The following WDR19 variants were observed in gnomAD, a reference collection of about 807,000 sequenced individuals.
WDR19 encodes the protein WD repeat-containing protein 19.
WDR19 carries 121 observed loss-of-function variants against 180.0 expected under a neutral mutation model. That is an observed-to-expected ratio of 0.67 (90% CI 0.58 to 0.78). The LOEUF (loss-of-function observed/expected upper bound fraction) is 0.78, where lower values mean the gene tolerates loss of function less well. WDR19 is among the 30% of genes least tolerant of loss of function. The pLI, the probability that WDR19 is intolerant of heterozygous loss-of-function variation, is 0.00. For synonymous variants in WDR19, 497 were observed against 540.7 expected, an observed-to-expected ratio of 0.92 and a Z score of 1.12; for missense variants, 1,450 against 1,640.7, an observed-to-expected ratio of 0.88 and a Z score of 2.01.
chr4:39,281,271 C>A, intron 36 of WDR19, among the ~76,000 whole-genome samples: 1 of 121,502 alleles, frequency 8.2e-6, no homozygotes, highest in African/African-American at 3.5e-5. Context: ...AGAAAGCCTA[C>A]TAACAAGTCA....
chr4:39,198,544 G>A (rs930231682), intron 5 of WDR19, among the ~76,000 whole-genome samples: 3 of 150,564 alleles, frequency 2.0e-5, no homozygotes, highest in Admixed American at 6.6e-5. Context: ...CTGGGCGACA[G>A]AGCGAGACTC....
chr4:39,281,866 C>G (rs1008701162), intron 36 of WDR19, among the ~76,000 whole-genome samples: 1 of 151,950 alleles, frequency 6.6e-6, no homozygotes, highest in African/African-American at 2.4e-5. Flanking sequence ...TTTTCTTTGG[C>G]GGGGGGAGGA....
intron 19 of WDR19, among the ~76,000 whole-genome samples, chr4:39,233,317 G>A (rs548885638): frequency 3.4e-4 from 52 of 152,304 alleles, no homozygotes; most frequent in African/African-American, 1.2e-3. Context: ...GACTAGCAAT[G>A]AGGGGCATAG....
rs1229146601 is a variant in WDR19, at chr4:39,272,964, A to G, written c.3484-16A>G. The G allele has an allele frequency of 6.3e-7, 1 of 1,575,712 alleles. No individual in the cohort carries two copies. The highest frequency in any genetic ancestry group is 1.8e-5 in the Admixed American group (1 of 54,424). Reference sequence around the variant, plus strand: ...TCAATGACTATAAGAAGAGTAAAATATGTCATTTGTTTCAGATTCATGTTA... The same window carrying G: ...TCAATGACTATAAGAAGAGTAAAATGTGTCATTTGTTTCAGATTCATGTTA... On this transcript the variant is annotated splice_polypyrimidine_tract_variant and intron_variant, in intron 31 of 36. Transcript: ENST00000399820.
Position 39,255,877 on chromosome 4 carries a change from CA to C in WDR19, c.3034del (p.Ser1012AlafsTer33). ...TGAAGACACTACTAATGAAGACTATCAAAGCATTGCCTTATACTTTGAAGGA... is the reference window on the plus strand; with the variant it reads ...TGAAGACACTACTAATGAAGACTATCAAGCATTGCCTTATACTTTGAAGGA... Reference protein sequence around the residue: ...GSEDTTNEDYQSIALYFEGEK... With the variant: ...GSEDTTNEDYXSIALYFEGEK... On this transcript the variant is annotated frameshift_variant, in exon 27 of 37. Coordinates refer to ENST00000399820, the MANE Select transcript of WDR19 (RefSeq NM_025132.4). LOFTEE classifies it high-confidence loss of function. The C allele has an allele frequency of 6.2e-7, 1 of 1,605,470 alleles. No homozygotes were observed. Among genetic ancestry groups the C allele is most frequent in the Non-Finnish European group, 8.5e-7 (1 of 1,175,794 alleles).
Position 39,216,167 on chromosome 4 carries a change from A to G in WDR19, c.1206A>G (p.Val402=), listed in dbSNP as rs1394277094. 6.3e-7 allele frequency: 1 copy of G among 1,588,784 alleles called. No homozygotes were observed. The highest frequency in any genetic ancestry group is 1.2e-5 in the South Asian group (1 of 85,698). Residue 402 remains valine (V), a synonymous_variant, in exon 12 of 37, where the codon GTA becomes GTG. Coordinates refer to ENST00000399820, the MANE Select transcript of WDR19 (RefSeq NM_025132.4). ...CAGTAGGTCTTTATCATCTGGCTGT[A>G]GGAATGAATAATCGAGCTTGGTTTT... is the stretch of plus-strand genomic sequence containing the variant. ...FVAVGLYHLA[V]GMNNRAWFYV...
At chr4:39,279,759 T>G (rs1225871115) in intron 36 of WDR19, among the ~76,000 whole-genome samples, 3 of 146,000 alleles carry the variant, frequency 2.1e-5, no homozygotes, top group African/African-American at 5.1e-5. Flanking sequence ...TAGAGTACAG[T>G]GGCATGATCT....
chr4:39,252,861 TC>T (rs765734772), intron 24 of WDR19, among the ~76,000 whole-genome samples: 12 of 152,088 alleles, frequency 7.9e-5, no homozygotes, highest in Admixed American at 2.0e-4. Context: ...ATTATAATCT[TC>T]CTACTTAAAA....
chr4:39,188,843 C>T (rs911695431), intron 3 of WDR19, among the ~76,000 whole-genome samples: 3 of 151,998 alleles, frequency 2.0e-5, no homozygotes, highest in Non-Finnish European at 4.4e-5. Context: ...CTTTACCTCC[C>T]GGGCTCAAGT....
intron 5 of WDR19, 48 bp downstream of exon 5, chr4:39,194,707 C>T (rs1726535969): frequency 7.1e-7 from 1 of 1,407,066 alleles, no homozygotes; most frequent in African/African-American, 1.4e-5. Context: ...TGCTCTACCT[C>T]AATGTAAATT....
At chr4:39,284,331 A>ATTTTTTTTTTTTTTTTTTTTTTTT (rs143848496) in intron 36 of WDR19, among the ~76,000 whole-genome samples, 1 of 91,530 alleles carries the variant, frequency 1.1e-5, no homozygotes. Flanking sequence ...AGTAAAAAAA[A>ATTTTTTTTTTTTTTTTTTTTTTTT]TTTTTTTTTT....
intron 20 of WDR19, among the ~76,000 whole-genome samples, chr4:39,235,684 A>T (rs1227686761): frequency 6.6e-6 from 1 of 152,184 alleles, no homozygotes; most frequent in African/African-American, 2.4e-5. Flanking sequence ...GAAACAATCA[A>T]CAGAGCAAAC....
chr4:39,232,982 A>G (rs574703743), intron 19 of WDR19, among the ~76,000 whole-genome samples: 1 of 152,352 alleles, frequency 6.6e-6, no homozygotes, highest in Admixed American at 6.5e-5. Context: ...TGTAAATTAC[A>G]AAAACATATA....
rs1304268338 is a variant in WDR19, at chr4:39,285,294, T to C, written c.*14-193T>C. On this transcript the variant is annotated intron_variant, in intron 36 of 36. Coordinates refer to ENST00000399820, the MANE Select transcript of WDR19 (RefSeq NM_025132.4). ...GCTCAAGAGCTTACCCACACAATTTTAGTCAGTTGGCAAGGCTAATACTGA... is the reference window on the plus strand; with the variant it reads ...GCTCAAGAGCTTACCCACACAATTTCAGTCAGTTGGCAAGGCTAATACTGA... 4.9e-4 allele frequency among the ~76,000 whole-genome samples: 74 copies of C among 152,212 alleles called. 1 individual carries two copies. Among genetic ancestry groups the C allele is most frequent in the African/African-American group, 2.4e-5 (1 of 41,450 alleles).
chr4:39,251,142 T>C (rs1392775874), intron 24 of WDR19, among the ~76,000 whole-genome samples: 1 of 152,206 alleles, frequency 6.6e-6, no homozygotes, highest in Non-Finnish European at 1.5e-5. Flanking sequence ...AACAGCGTGG[T>C]ACTGGTACCA....
At chr4:39,223,443 G>T (rs1729906428) in intron 14 of WDR19, among the ~76,000 whole-genome samples, 1 of 152,184 alleles carries the variant, frequency 6.6e-6, no homozygotes, top group South Asian at 2.1e-4. Context: ...AGGTTCTTCT[G>T]CCTCAGCCTC....
chr4:39,252,112 TG>T, intron 24 of WDR19, among the ~76,000 whole-genome samples: 1 of 151,956 alleles, frequency 6.6e-6, no homozygotes, highest in Non-Finnish European at 1.5e-5. Flanking sequence ...CCAACCCAAA[TG>T]TCCAACAATG....
chr4:39,241,226 G>C (rs945568754), intron 21 of WDR19, among the ~76,000 whole-genome samples: 4 of 152,092 alleles, frequency 2.6e-5, no homozygotes, highest in African/African-American at 9.7e-5. Context: ...TATTACAAAA[G>C]TAATGCAACC....
chr4:39,281,232 T>TAGAGAGAGAGAGAGAGAG (rs542816951), intron 36 of WDR19, among the ~76,000 whole-genome samples: 21 of 100,922 alleles, frequency 2.1e-4, no homozygotes, highest in African/African-American at 3.7e-4. Flanking sequence ...TATATATATA[T>TAGAGAGAGAGAGAGAGAG]ATATAGAGAG....
Sources: gnomAD v4.1 joint callset for allele counts (sites outside exome capture counted in the v4.1 genomes callset) on GRCh38, gnomAD v4.1.1 for gene constraint, MANE v1.5 for transcripts, NCBI Gene and HGNC (gene_info 2026-07-23, HGNC 2026-07-21) for gene names.